The following PRR5 variants were observed in gnomAD, a reference collection of about 807,000 sequenced individuals.
PRR5 encodes proline rich 5.
PRR5 carries 25 observed loss-of-function variants against 30.6 expected under a neutral mutation model. The ratio of observed to expected loss-of-function variants is 0.82; its 90% CI spans 0.60 to 1.14. The LOEUF (loss-of-function observed/expected upper bound fraction) is 1.14. PRR5 is among the 50% of genes most tolerant of loss of function. The pLI, the probability that PRR5 is intolerant of heterozygous loss-of-function variation, is 0.00. For missense variants in PRR5, 600 were observed against 547.1 expected (o/e 1.10, Z -0.96); for synonymous variants, 286 against 247.1 (o/e 1.16, Z -1.48).
intron 1 of PRR5, chr22:44,679,937 G>T: frequency 6.6e-7 from 1 of 1,504,750 alleles, no homozygotes. Context: ...ATGGGTGAGG[G>T]TGAGTGCAGT....
chr22:44,679,944 C>A lies in PRR5; in HGVS notation c.-11+2704C>A, dbSNP rs570702731. The stretch of plus-strand genomic sequence containing the variant: ...GCAGGTGTATGGGTGAGGGTGAGTG[C>A]AGTGTGGCTGGAGGCTTAGGGAAAG... On this transcript the variant is annotated intron_variant, in intron 1 of 8. Coordinates refer to the PRR5 transcript ENST00000006251. The A allele has an allele frequency of 1.1e-4, 168 of 1,480,118 alleles. 5 individuals carry two copies. In the South Asian group the frequency reaches 2.0e-3, roughly 17 times the overall value. 91.7% of individuals were successfully genotyped at this position (1,480,118 alleles called of 1,614,324 possible). A position where few individuals can be genotyped will look rare whatever the true frequency, so the allele number is the denominator to read the frequency against.
chr22:44,724,451 AG>A (rs1930383884), intron 2 of PRR5, among the ~76,000 whole-genome samples: 1 of 152,106 alleles, frequency 6.6e-6, no homozygotes, highest in South Asian at 2.1e-4. Flanking sequence ...AAAAAAAAAA[AG>A]TTTTCCTAAA....
At chr22:44,686,259 G>GA (rs201854372) in intron 1 of PRR5, among the ~76,000 whole-genome samples, 2 of 139,634 alleles carry the variant, frequency 1.4e-5, no homozygotes, top group Non-Finnish European at 3.2e-5. Flanking sequence ...AAAACAAAAA[G>GA]AAAAGAAAAA....
intron 1 of PRR5, among the ~76,000 whole-genome samples, chr22:44,713,814 G>GT (rs555683821): frequency 1.1e-4 from 17 of 152,232 alleles, no homozygotes; most frequent in African/African-American, 3.6e-4. Flanking sequence ...GTTTTCTTTT[G>GT]TTTTTTTGAG....
At chr22:44,722,440 G>T (rs977414122) in intron 2 of PRR5, among the ~76,000 whole-genome samples, 2 of 152,220 alleles carry the variant, frequency 1.3e-5, no homozygotes, top group Non-Finnish European at 1.5e-5. Context: ...CCCAGGCTCC[G>T]GTGATGGCCA....
In PRR5 at chr22:44,735,113, C is replaced by T. The variant is rs1192388941; in HGVS notation, c.642C>T (p.Thr214=). 1.2e-6 allele frequency: 2 copies of T among 1,612,912 alleles called. No individual in the cohort carries two copies. The highest frequency in any genetic ancestry group is 1.7e-5 in the Admixed American group (1 of 60,018). The change falls in exon 7 of 8, where the codon ACC becomes ACT. Residue 214 remains threonine, a synonymous_variant. Transcript: ENST00000336985. The stretch of plus-strand genomic sequence containing the variant: ...AGGTGGTGTCGCCATACCTGGGCAC[C>T]TACGGCCTCCACTCCAGCGAGGGGC... ...VQKVVSPYLG[T]YGLHSSEGPF...
chr22:44,709,725 A>T (rs538243766), intron 1 of PRR5, among the ~76,000 whole-genome samples: 2 of 152,136 alleles, frequency 1.3e-5, no homozygotes, highest in East Asian at 3.9e-4. Flanking sequence ...GGTGGCGCGC[A>T]CCTGTAATCC....
chr22:44,735,206 G>A (rs181440282), intron 7 of PRR5, 44 bp downstream of exon 7: 31 of 1,578,020 alleles, frequency 2.0e-5, no homozygotes, highest in Admixed American at 7.0e-5. Flanking sequence ...GGGTGACCAC[G>A]GGCCCCATCC....
intron 2 of PRR5, among the ~76,000 whole-genome samples, chr22:44,718,186 A>ATC (rs961199334): frequency 1.1e-4 from 12 of 107,864 alleles, no homozygotes; most frequent in African/African-American, 4.0e-4. Flanking sequence ...GCACGTTTTC[A>ATC]TCTCTCTTTT....
intron 4 of PRR5, among the ~76,000 whole-genome samples, chr22:44,727,131 T>G (rs1313785462): frequency 6.6e-6 from 1 of 151,114 alleles, no homozygotes; most frequent in African/African-American, 2.4e-5. Flanking sequence ...TGATAAGTGA[T>G]TTGCCCAAGG....
chr22:44,689,942 C>T (rs1601964206), intron 1 of PRR5, among the ~76,000 whole-genome samples: 1 of 152,346 alleles, frequency 6.6e-6, no homozygotes, highest in Non-Finnish European at 1.5e-5. Context: ...AGCCATCATA[C>T]CCGGCCTCAT....
intron 4 of PRR5, chr22:44,730,132 C>T (rs1921674123): frequency 1.0e-6 from 1 of 985,156 alleles, no homozygotes; most frequent in Non-Finnish European, 1.2e-6. Context: ...TCCTAGTGCC[C>T]TCGAACCTAC....
chr22:44,716,569 C>T (rs1279785619), intron 2 of PRR5, among the ~76,000 whole-genome samples: 1 of 152,196 alleles, frequency 6.6e-6, no homozygotes, highest in African/African-American at 2.4e-5. Flanking sequence ...CTCGTCACTG[C>T]AGCCCTGAGG....
chr22:44,732,954 TACGCGTGCAC>T lies in PRR5; in HGVS notation c.555+568_555+577del, dbSNP rs573224309. ...CACATACTACACACGTGTGCACACA[TACGCGTGCAC>T]ACGCATACACACTACACACATACAT... On this transcript the variant is annotated intron_variant, in intron 6 of 7. Coordinates refer to ENST00000336985, the MANE Select transcript of PRR5 (RefSeq NM_181333.4). Among the ~76,000 whole-genome samples, 477 of 132,160 alleles carry T rather than the reference TACGCGTGCAC, an allele frequency of 3.6e-3. 1 individual carries two copies. Among genetic ancestry groups the T allele is most frequent in the African/African-American group, 0.012 (452 of 37,002 alleles). The allele number at this position is 132,160 out of a possible 152,430, so 86.7% of individuals were successfully genotyped here. A position where few individuals can be genotyped will look rare whatever the true frequency, so the allele number is the denominator to read the frequency against.
chr22:44,721,138 G>A (rs1012150636), intron 2 of PRR5, among the ~76,000 whole-genome samples: 2 of 152,110 alleles, frequency 1.3e-5, no homozygotes, highest in Non-Finnish European at 2.9e-5. Flanking sequence ...CAGGTTCTTG[G>A]CGCTTTGAAC....
rs750455297 is a variant in PRR5 at position 44,737,063 on chromosome 22, C to T, written c.983C>T (p.Pro328Leu). The T allele has an allele frequency of 1.2e-6, 2 of 1,609,942 alleles. No homozygotes were observed. Among genetic ancestry groups the T allele is most frequent in the Non-Finnish European group, 1.7e-6 (2 of 1,179,114 alleles). Residue 328 changes from proline to leucine, a missense_variant, in exon 8 of 8, where the codon CCC becomes CTC. Physicochemically the swap from Pro to Leu is moderately conservative, Grantham distance 98. Transcript: ENST00000336985. The stretch of plus-strand genomic sequence containing the variant: ...AGCAGACTGTACCCCACGACCCAGC[C>T]CCCTGAGCAGGGCTTGGATCCCACC... The part of the protein sequence containing the change: ...CPSRLYPTTQ[P>L]PEQGLDPTRS...
At chr22:44,731,296 C>T (rs1003037005) in intron 4 of PRR5, 16 of 272,908 alleles carry the variant, frequency 5.9e-5, no homozygotes, top group Non-Finnish European at 9.4e-5. Flanking sequence ...CCTACCTGTG[C>T]GGGTCTCACC....
intron 6 of PRR5, chr22:44,734,585 AGGT>A (rs919933182): frequency 3.9e-4 from 62 of 159,702 alleles, no homozygotes; most frequent in African/African-American, 1.3e-3. Context: ...GGGGCTTGTG[AGGT>A]GGTCCCTGAT....
At chr22:44,735,585 G>A (rs1250377718) in intron 7 of PRR5, among the ~76,000 whole-genome samples, 2 of 152,214 alleles carry the variant, frequency 1.3e-5, no homozygotes, top group Non-Finnish European at 2.9e-5. Flanking sequence ...GGACTGCTTG[G>A]CGCGTCCAGC....
Sources: allele counts gnomAD v4.1 joint callset (sites outside exome capture counted in the v4.1 genomes callset), GRCh38; gene constraint gnomAD v4.1.1; transcripts MANE v1.5; gene names NCBI Gene and HGNC (gene_info 2026-07-23, HGNC 2026-07-21).